The following GYS2 variants were observed in gnomAD, a reference collection of about 807,000 sequenced individuals.
GYS2 encodes the protein glycogen [starch] synthase, liver.
GYS2 carries 80 observed loss-of-function variants against 85.6 expected under a neutral mutation model. That is an observed-to-expected ratio of 0.93 (90% CI 0.78 to 1.13). The LOEUF is 1.13. GYS2 is among the 50% of genes most tolerant of loss of function. GYS2 has a pLI of 0.00. For synonymous variants in GYS2, 328 were observed against 300.7 expected (o/e 1.09, Z -0.94); for missense variants, 881 against 854.9 (o/e 1.03, Z -0.38).
At chr12:21,554,404 G>C (rs886195624) in intron 11 of GYS2, among the ~76,000 whole-genome samples, 1 of 151,936 alleles carries the variant, frequency 6.6e-6, no homozygotes, top group Non-Finnish European at 1.5e-5. Context: ...ACTTGCTTTC[G>C]ACCCCTTCAT....
intron 15 of GYS2, chr12:21,537,484 G>A: frequency 2.9e-6 from 1 of 342,176 alleles, no homozygotes; most frequent in Non-Finnish European, 5.5e-6. Flanking sequence ...GGGTTAGAGG[G>A]GTCAAGTAAC....
intron 1 of GYS2, among the ~76,000 whole-genome samples, chr12:21,589,036 C>T (rs1944604910): frequency 6.6e-6 from 1 of 152,186 alleles, no homozygotes; most frequent in African/African-American, 2.4e-5. Flanking sequence ...TTCATCTTTT[C>T]CAGGAGAATA....
At chr12:21,552,654 A>C (rs1773560693) in intron 11 of GYS2, among the ~76,000 whole-genome samples, 1 of 152,224 alleles carries the variant, frequency 6.6e-6, no homozygotes, top group South Asian at 2.1e-4. Context: ...TATGATAATA[A>C]ATGAGCATCT....
At position 21,537,019 on chromosome 12, in the gene GYS2, A is replaced by C; in HGVS notation, c.2047T>G (p.Ser683Ala). The C allele has an allele frequency of 6.2e-7, 1 of 1,613,986 alleles. No homozygotes were observed. The highest frequency in any genetic ancestry group is 8.5e-7 in the Non-Finnish European group (1 of 1,179,924). ...GGAACGTGGCTCAGTGAAAATGGTG[A>C]CTTGATATTTAACCGATCCCTTTCA... ...EAERDRLNIK[S>A]PFSLSHVPHG... Residue 683 changes from serine (S) to alanine (A), a missense_variant, in exon 16 of 16, where the codon TCA (serine) becomes GCA (alanine). Coordinates refer to ENST00000261195, the MANE Select transcript of GYS2 (RefSeq NM_021957.4).
intron 11 of GYS2, among the ~76,000 whole-genome samples, chr12:21,551,739 G>T (rs183684172): frequency 2.6e-5 from 4 of 152,266 alleles, no homozygotes; most frequent in Non-Finnish European, 4.4e-5. Context: ...CATAGAACAT[G>T]ATTTGAGTTC....
intron 1 of GYS2, among the ~76,000 whole-genome samples, chr12:21,589,641 G>A (rs1944612810): frequency 6.6e-6 from 1 of 152,146 alleles, no homozygotes; most frequent in South Asian, 2.1e-4. Flanking sequence ...AGGCCAGAGA[G>A]GCTCCCCAGT....
chr12:21,597,752 T>G (rs1014447963), intron 1 of GYS2, among the ~76,000 whole-genome samples: 6 of 152,120 alleles, frequency 3.9e-5, no homozygotes, highest in Non-Finnish European at 8.8e-5. Flanking sequence ...GGTACCACAC[T>G]GTTTATTGCA....
At chr12:21,598,275 A>G (rs1944717880) in intron 1 of GYS2, among the ~76,000 whole-genome samples, 1 of 152,134 alleles carries the variant, frequency 6.6e-6, no homozygotes, top group South Asian at 2.1e-4. Flanking sequence ...CTTGATCATT[A>G]TACATTATAT....
intron 2 of GYS2, among the ~76,000 whole-genome samples, chr12:21,576,859 T>G (rs536732177): frequency 1.3e-5 from 2 of 152,332 alleles, no homozygotes; most frequent in East Asian, 3.9e-4. Context: ...ATGTTTATTC[T>G]CCTTTTACAT....
chr12:21,595,218 T>C (rs549149790), intron 1 of GYS2, among the ~76,000 whole-genome samples: 2 of 152,218 alleles, frequency 1.3e-5, no homozygotes, highest in Admixed American at 6.5e-5. Flanking sequence ...GAGGCTCGCA[T>C]TGTGAATTTT....
downstream of GYS2, among the ~76,000 whole-genome samples, chr12:21,534,732 C>G (rs116866837): frequency 0.02 from 3,121 of 152,254 alleles, 63 homozygotes; most frequent in Non-Finnish European, 0.029. Flanking sequence ...GGGGGGCACA[C>G]AAACATTCAA....
In GYS2 at chr12:21,559,729, T is replaced by C; in HGVS notation, c.1170-19A>G. The C allele has an allele frequency of 6.7e-7, 1 of 1,489,360 alleles. No individual in the cohort carries two copies. The highest frequency in any genetic ancestry group is 9.4e-7 in the Non-Finnish European group (1 of 1,066,644). 92.3% of individuals were successfully genotyped at this position (1,489,360 alleles called of 1,614,324 possible). ...AACATCCCTGTTTGAAACAGAAAGATTTATCATTTAAACAGTATGACAATG... is the reference window on the plus strand; with the variant it reads ...AACATCCCTGTTTGAAACAGAAAGACTTATCATTTAAACAGTATGACAATG... On this transcript the variant is annotated intron_variant, in intron 8 of 15. Coordinates refer to ENST00000261195, the MANE Select transcript of GYS2 (RefSeq NM_021957.4).
chr12:21,567,899 C>T (rs143185213), intron 5 of GYS2, among the ~76,000 whole-genome samples: 6,343 of 151,960 alleles, frequency 0.042, 175 homozygotes, highest in Non-Finnish European at 0.067. Flanking sequence ...ATAGTGAAAC[C>T]CCGTCTCTAC....
chr12:21,537,288 C>T, intron 15 of GYS2, 113 bp from the exon 16 acceptor site: 2 of 767,762 alleles, frequency 2.6e-6, no homozygotes, highest in South Asian at 3.0e-5. Context: ...CTTTTGTAGT[C>T]TGGGTGCTAT....
At chr12:21,550,314 AACAC>A (rs10582787) in intron 11 of GYS2, among the ~76,000 whole-genome samples, 1,700 of 148,286 alleles carry the variant, frequency 0.011, 19 homozygotes, top group East Asian at 0.024. Flanking sequence ...AGACAGAAAG[AACAC>A]ACACACACAC....
chr12:21,577,729 T>G (rs1293142073), intron 2 of GYS2, among the ~76,000 whole-genome samples: 1 of 152,156 alleles, frequency 6.6e-6, no homozygotes, highest in Admixed American at 6.5e-5. Flanking sequence ...GCATCTCAAG[T>G]GAAGACTTTG....
In GYS2 at chr12:21,536,688, T is replaced by TA. The variant is rs1943913649; in HGVS notation, c.*265dup. The TA allele has an allele frequency of 2.1e-6, 1 of 476,952 alleles. No individual in the cohort carries two copies. Among genetic ancestry groups the TA allele is most frequent in the African/African-American group, 2.0e-5 (1 of 51,242 alleles). The allele number at this position is 476,952 out of a possible 1,614,324, so 29.5% of individuals were successfully genotyped here. A position where few individuals can be genotyped will look rare whatever the true frequency, so the allele number is the denominator to read the frequency against. On this transcript the variant is annotated 3_prime_UTR_variant, in exon 16 of 16. Coordinates refer to ENST00000261195, the MANE Select transcript of GYS2 (RefSeq NM_021957.4). ...TCCTTACCACTTAAATTCACCATTT[T>TA]AAAAACACTTTTCCGTCTTCTGCCT... is the stretch of plus-strand genomic sequence containing the variant.
intron 1 of GYS2, among the ~76,000 whole-genome samples, chr12:21,585,788 T>A (rs1944565972): frequency 6.6e-6 from 1 of 152,228 alleles, no homozygotes; most frequent in Admixed American, 6.5e-5. Context: ...TACTTCCTTT[T>A]TCCTTTATCA....
In GYS2 at chr12:21,574,302, A is replaced by G. The variant is rs937397555; in HGVS notation, c.520T>C (p.Tyr174His). 23 of 1,613,576 alleles carry G rather than the reference A, an allele frequency of 1.4e-5. No homozygotes were observed. Among genetic ancestry groups the G allele is most frequent in the Non-Finnish European group, 1.9e-5 (23 of 1,179,658 alleles). The change falls in exon 4 of 16, where the codon TAT becomes CAT. Residue 174 changes from tyrosine to histidine, a missense_variant. By Grantham distance (83) the Tyr-to-His change is moderately conservative. Coordinates refer to ENST00000261195, the MANE Select transcript of GYS2 (RefSeq NM_021957.4). ...KEVTDHADGK[Y>H]VVAQFHEWQA... ...CATTCATGGAATTGGGCAACGACATATTTACCATCTGCATGATCTGTCACC... is the reference window on the plus strand; with the variant it reads ...CATTCATGGAATTGGGCAACGACATGTTTACCATCTGCATGATCTGTCACC...
Sources: gnomAD v4.1 joint callset for allele counts (sites outside exome capture counted in the v4.1 genomes callset) on GRCh38, gnomAD v4.1.1 for gene constraint, MANE v1.5 for transcripts, NCBI Gene and HGNC (gene_info 2026-07-23, HGNC 2026-07-21) for gene names.